The following MYO16 variants were observed in gnomAD, a reference collection of about 807,000 sequenced individuals.
MYO16 encodes myosin XVI.
Under a neutral mutation model 205.3 loss-of-function variants are expected in MYO16, and 94 were observed. That is an observed-to-expected ratio of 0.46 (90% CI 0.39 to 0.54). The LOEUF (loss-of-function observed/expected upper bound fraction) is 0.54. Ranked by LOEUF, MYO16 falls within the 20% of genes least tolerant of loss-of-function variation. The pLI is 0.00. For synonymous variants in MYO16, 988 were observed against 954.0 expected, an observed-to-expected ratio of 1.04 and a Z score of -0.66; for missense variants, 2,315 against 2,387.5, an observed-to-expected ratio of 0.97 and a Z score of 0.63.
chr13:108,721,783 G>A (rs1566571059), intron 3 of MYO16, among the ~76,000 whole-genome samples: 1 of 152,204 alleles, frequency 6.6e-6, no homozygotes. Flanking sequence ...CAAGGCTGCA[G>A]GAGAGATGGT....
chr13:108,682,939 A>G (rs1354905802), intron 2 of MYO16, among the ~76,000 whole-genome samples: 1 of 152,150 alleles, frequency 6.6e-6, no homozygotes, highest in Non-Finnish European at 1.5e-5. Flanking sequence ...AACGTGCCTT[A>G]TGAAATGTAA....
At chr13:108,929,392 G>A (rs1283105915) in intron 16 of MYO16, among the ~76,000 whole-genome samples, 1 of 151,988 alleles carries the variant, frequency 6.6e-6, no homozygotes, top group African/African-American at 2.4e-5. Context: ...GAATAATGAG[G>A]TACCATTTCA....
Position 108,598,324 on chromosome 13 carries a change from GAC to G in MYO16, c.-39+2087_-39+2088del, listed in dbSNP as rs1878637390. Among the ~76,000 whole-genome samples the G allele has an allele frequency of 3.3e-5, 5 of 152,190 alleles. No homozygotes were observed. In the South Asian group the frequency reaches 1.0e-3, roughly 32 times the overall value. ...GTAGTGATAGAGAGAGAGAGAGACA[GAC>G]AGACAGACAGAGAGACAACACTAAA... On this transcript the variant is annotated intron_variant, in intron 1 of 24. Coordinates refer to the MYO16 transcript ENST00000251041.
At chr13:108,877,027 A>G (rs1879362279) in intron 12 of MYO16, among the ~76,000 whole-genome samples, 1 of 152,146 alleles carries the variant, frequency 6.6e-6, no homozygotes, top group Non-Finnish European at 1.5e-5. Flanking sequence ...AAAATTTTCC[A>G]TCTTGAAAAT....
chr13:108,561,509 T>G, the MYO16 span, among the ~76,000 whole-genome samples: 5 of 152,334 alleles, frequency 3.3e-5, no homozygotes, highest in Admixed American at 3.3e-4. Context: ...CTTGGTTTTT[T>G]TCTTATAAAA....
At chr13:108,819,349 A>T (rs1458317529) in intron 7 of MYO16, among the ~76,000 whole-genome samples, 1 of 152,198 alleles carries the variant, frequency 6.6e-6, no homozygotes, top group Admixed American at 6.6e-5. Context: ...CCATGAAAAC[A>T]AGGCCCGCAA....
intron 1 of MYO16, among the ~76,000 whole-genome samples, chr13:108,651,603 A>G (rs190039019): frequency 4.3e-4 from 66 of 152,342 alleles, no homozygotes; most frequent in Admixed American, 4.3e-3. Context: ...CTCTTACCAG[A>G]TAAACATGCC....
chr13:108,879,769 C>T (rs936858862), intron 12 of MYO16, among the ~76,000 whole-genome samples: 4 of 152,138 alleles, frequency 2.6e-5, no homozygotes, highest in Non-Finnish European at 4.4e-5. Flanking sequence ...CATTGATGGA[C>T]ATTTGGGTTG....
chr13:108,974,063 G>A (rs1053250745), intron 20 of MYO16, among the ~76,000 whole-genome samples: 3 of 152,030 alleles, frequency 2.0e-5, no homozygotes, highest in African/African-American at 4.8e-5. Flanking sequence ...TGAATTAATC[G>A]GTTTAAGTGG....
intron 20 of MYO16, among the ~76,000 whole-genome samples, chr13:108,990,850 A>T (rs145349398): frequency 3.8e-4 from 58 of 152,326 alleles, no homozygotes; most frequent in African/African-American, 1.3e-3. Flanking sequence ...CATTGAAGTG[A>T]TGTATTATAG....
At chr13:108,712,842 T>C in intron 3 of MYO16, 111 bp downstream of exon 3, 1 of 767,554 alleles carries the variant, frequency 1.3e-6, no homozygotes, top group Non-Finnish European at 2.0e-6. Flanking sequence ...ATCAGAAAGA[T>C]GATGTGTTTC....
At chr13:108,715,359 G>A (rs192838861) in intron 3 of MYO16, among the ~76,000 whole-genome samples, 33 of 152,172 alleles carry the variant, frequency 2.2e-4, no homozygotes, top group Non-Finnish European at 3.7e-4. Flanking sequence ...CACCACTGAC[G>A]CCTCACAAGC....
chr13:108,589,863 C>A, the MYO16 span, among the ~76,000 whole-genome samples: 1 of 152,156 alleles, frequency 6.6e-6, no homozygotes, highest in South Asian at 2.1e-4. Context: ...AGCAAAATTA[C>A]ACATATATCA....
chr13:109,152,054 A>G (rs1398563530), intron 32 of MYO16, among the ~76,000 whole-genome samples: 1 of 152,224 alleles, frequency 6.6e-6, no homozygotes, highest in African/African-American at 2.4e-5. Flanking sequence ...TCCTTTCTTA[A>G]GTAAATAACC....
At chr13:109,200,769 C>A (rs1011014014) in intron 34 of MYO16, among the ~76,000 whole-genome samples, 6 of 151,468 alleles carry the variant, frequency 4.0e-5, no homozygotes, top group African/African-American at 1.5e-4. Flanking sequence ...CAGATTGGCA[C>A]TGCTGCTATG....
intron 9 of MYO16, among the ~76,000 whole-genome samples, chr13:108,839,450 G>A (rs1038416260): frequency 1.3e-5 from 2 of 151,710 alleles, no homozygotes; most frequent in East Asian, 3.9e-4. Flanking sequence ...CTATACTATT[G>A]AGAAGAACAG....
chr13:108,922,332 G>A (rs947615438), intron 16 of MYO16, among the ~76,000 whole-genome samples: 5 of 152,184 alleles, frequency 3.3e-5, no homozygotes, highest in South Asian at 2.1e-4. Context: ...ACATGCCAGC[G>A]CAAGGCTCAG....
intron 21 of MYO16, among the ~76,000 whole-genome samples, chr13:108,996,592 T>C (rs1441553677): frequency 6.6e-6 from 1 of 152,170 alleles, no homozygotes; most frequent in African/African-American, 2.4e-5. Context: ...ATCTGCAAAT[T>C]GCTTCAAATG....
intron 19 of MYO16, among the ~76,000 whole-genome samples, chr13:108,964,352 C>G (rs1883706782): frequency 6.6e-6 from 1 of 152,184 alleles, no homozygotes; most frequent in Admixed American, 6.5e-5. Flanking sequence ...TTGATGAGAT[C>G]ATGCCTTTGA....
Sources: allele counts gnomAD v4.1 joint callset (sites outside exome capture counted in the v4.1 genomes callset), GRCh38; gene constraint gnomAD v4.1.1; transcripts MANE v1.5; gene names NCBI Gene and HGNC (gene_info 2026-07-23, HGNC 2026-07-21).